The following LRRIQ3 variants were observed in gnomAD, a reference collection of about 807,000 sequenced individuals.
The protein encoded by LRRIQ3 is leucine-rich repeat and IQ domain-containing protein 3.
Under a neutral mutation model 59.3 loss-of-function variants are expected in LRRIQ3, and 75 were observed. That is an observed-to-expected ratio of 1.26 (90% CI 1.05 to 1.53). The LOEUF (loss-of-function observed/expected upper bound fraction) is 1.53, where lower values mean the gene tolerates loss of function less well. LRRIQ3 is among the 40% of genes most tolerant of loss of function. The probability of loss-of-function intolerance (pLI) is 0.00; values close to 1 mark genes in which losing one functional copy is unlikely to be tolerated. For synonymous variants in LRRIQ3, 250 were observed against 231.3 expected (o/e 1.08, Z -0.73); for missense variants, 831 against 710.0 (o/e 1.17, Z -1.94).
At chr1:74,195,393 G>A (rs934403071) in intron 1 of LRRIQ3, among the ~76,000 whole-genome samples, 2 of 151,990 alleles carry the variant, frequency 1.3e-5, no homozygotes, top group Admixed American at 6.6e-5. Context: ...AAGAAGGGGG[G>A]AAAATTAAAA....
chr1:74,067,154 T>C (rs1242273322), intron 6 of LRRIQ3, among the ~76,000 whole-genome samples: 1 of 152,150 alleles, frequency 6.6e-6, no homozygotes, highest in East Asian at 1.9e-4. Context: ...GTCCAGAATC[T>C]CTACGTGTGC....
At chr1:74,138,056 T>C (rs907299134) in intron 4 of LRRIQ3, among the ~76,000 whole-genome samples, 4 of 151,446 alleles carry the variant, frequency 2.6e-5, no homozygotes, top group African/African-American at 9.7e-5. Context: ...CAAACCTGCA[T>C]GTTCTGCACA....
At chr1:74,168,959 A>T (rs950819779) in intron 3 of LRRIQ3, among the ~76,000 whole-genome samples, 1 of 152,150 alleles carries the variant, frequency 6.6e-6, no homozygotes, top group Non-Finnish European at 1.5e-5. Context: ...CTCACTTAAT[A>T]AACTTTTAAG....
At chr1:74,085,092 C>A (rs1646312966) in intron 5 of LRRIQ3, among the ~76,000 whole-genome samples, 2 of 151,652 alleles carry the variant, frequency 1.3e-5, no homozygotes, top group Admixed American at 6.6e-5. Context: ...CACCCACATA[C>A]AAATATCACA....
intron 4 of LRRIQ3, among the ~76,000 whole-genome samples, chr1:74,116,490 T>A (rs1430010277): frequency 6.6e-6 from 1 of 151,968 alleles, no homozygotes; most frequent in East Asian, 1.9e-4. Context: ...AGAAAAAAAA[T>A]TGAGATTTCT....
intron 3 of LRRIQ3, among the ~76,000 whole-genome samples, chr1:74,171,161 A>C (rs1447532700): frequency 6.6e-6 from 1 of 152,076 alleles, no homozygotes. Context: ...GTTTAGTCCC[A>C]TTGCTTTGGC....
rs1483781 is a variant in LRRIQ3, at chr1:74,052,886, A to G, written c.998-10953T>C. Among the ~76,000 whole-genome samples the G allele has an allele frequency of 5.3e-3, 806 of 152,286 alleles. 4 individuals carry two copies. The highest frequency in any genetic ancestry group is 0.018 in the African/African-American group (767 of 41,572). Reference sequence around the variant, plus strand: ...TAAGTCTTCAATTAATTTTGATTTAACAATTTCCTTGTTCACTATTCTTTC... The same window carrying G: ...TAAGTCTTCAATTAATTTTGATTTAGCAATTTCCTTGTTCACTATTCTTTC... On this transcript the variant is annotated intron_variant, in intron 6 of 7. Coordinates refer to ENST00000354431, the MANE Select transcript of LRRIQ3 (RefSeq NM_001105659.2).
chr1:74,162,865 G>A (rs1648743789), intron 3 of LRRIQ3, among the ~76,000 whole-genome samples: 1 of 151,600 alleles, frequency 6.6e-6, no homozygotes, highest in South Asian at 2.1e-4. Context: ...GAAGAGATAG[G>A]AAAAGATTTG....
At chr1:74,050,483 A>C in intron 6 of LRRIQ3, 2 of 979,634 alleles carry the variant, frequency 2.0e-6, no homozygotes, top group Non-Finnish European at 2.4e-6. Context: ...TGGATCTTTT[A>C]GGACTCAGAG....
chr1:74,109,581 T>C (rs1191537789), intron 4 of LRRIQ3, 28 bp from the exon 5 acceptor site: 1 of 1,528,634 alleles, frequency 6.5e-7, no homozygotes, highest in South Asian at 1.3e-5. Context: ...GGAAAACTAT[T>C]TGTTAGTTTT....
At chr1:74,123,223 G>T (rs1426093956) in intron 4 of LRRIQ3, among the ~76,000 whole-genome samples, 1 of 151,784 alleles carries the variant, frequency 6.6e-6, no homozygotes, top group Admixed American at 6.6e-5. Flanking sequence ...TTTGATACAG[G>T]CCTATAATGC....
At chr1:74,167,911 T>C (rs1430652982) in intron 3 of LRRIQ3, among the ~76,000 whole-genome samples, 5 of 152,060 alleles carry the variant, frequency 3.3e-5, no homozygotes, top group Non-Finnish European at 4.4e-5. Context: ...CCTCTTATCT[T>C]TCTGTCATCA....
rs1328822719 is a variant in LRRIQ3 at position 74,183,749 on chromosome 1, C to A, written c.1-65G>T. 5.7e-6 allele frequency: 8 copies of A among 1,401,540 alleles called. No homozygotes were observed. In the East Asian group the frequency reaches 2.0e-4, roughly 35 times the overall value. The allele number at this position is 1,401,540 out of a possible 1,614,324, so 86.8% of individuals were successfully genotyped here. A position where few individuals can be genotyped will look rare whatever the true frequency, so the allele number is the denominator to read the frequency against. On this transcript the variant is annotated intron_variant, in intron 1 of 7. Transcript: ENST00000354431. ...TTTCAAAAATTTACCTGAAAACAAA[C>A]AAAATTTTGCCAAGAGATAGCGCAA...
intron 7 of LRRIQ3, among the ~76,000 whole-genome samples, chr1:74,039,569 C>A (rs1054882975): frequency 6.6e-6 from 1 of 152,172 alleles, no homozygotes; most frequent in African/African-American, 2.4e-5. Context: ...GGAAGCACAT[C>A]AGACTAACAG....
At chr1:74,049,349 A>G (rs1394048556) in intron 6 of LRRIQ3, among the ~76,000 whole-genome samples, 1 of 152,194 alleles carries the variant, frequency 6.6e-6, no homozygotes, top group Non-Finnish European at 1.5e-5. Flanking sequence ...TACCATGAAG[A>G]CAATGGATTT....
chr1:74,188,943 T>G (rs1217822001), intron 1 of LRRIQ3, among the ~76,000 whole-genome samples: 1 of 152,216 alleles, frequency 6.6e-6, no homozygotes, highest in African/African-American at 2.4e-5. Context: ...CAATTATTTA[T>G]GTAGTGTAAC....
chr1:74,100,350 G>C (rs1017326826), intron 5 of LRRIQ3, among the ~76,000 whole-genome samples: 2 of 152,082 alleles, frequency 1.3e-5, no homozygotes, highest in Non-Finnish European at 2.9e-5. Flanking sequence ...CAACTTACAA[G>C]GGATGTAAAG....
chr1:74,185,760 G>A (rs553280603), intron 1 of LRRIQ3, among the ~76,000 whole-genome samples: 131 of 151,898 alleles, frequency 8.6e-4, no homozygotes, highest in African/African-American at 3.1e-3. Flanking sequence ...TGGCTAATAC[G>A]GTGAAACCCC....
chr1:74,184,208 G>C (rs1650206589), intron 1 of LRRIQ3, among the ~76,000 whole-genome samples: 1 of 152,028 alleles, frequency 6.6e-6, no homozygotes, highest in African/African-American at 2.4e-5. Flanking sequence ...GTCTTACAGA[G>C]AAAATTTGTT....
Sources: gnomAD v4.1 joint callset for allele counts (sites outside exome capture counted in the v4.1 genomes callset) on GRCh38, gnomAD v4.1.1 for gene constraint, MANE v1.5 for transcripts, NCBI Gene and HGNC (gene_info 2026-07-23, HGNC 2026-07-21) for gene names.